The following ABCC3 variants were observed in gnomAD, a reference collection of about 807,000 sequenced individuals.
ABCC3 encodes ATP-binding cassette sub-family C member 3.
A neutral mutation model predicts 165.3 loss-of-function variants in ABCC3; 121 were observed. The ratio of observed to expected loss-of-function variants is 0.73; its 90% CI spans 0.63 to 0.85. The LOEUF (loss-of-function observed/expected upper bound fraction) is 0.85. Ranked by LOEUF, ABCC3 falls within the 40% of genes least tolerant of loss-of-function variation. The pLI, the probability that ABCC3 is intolerant of heterozygous loss-of-function variation, is 0.00. For missense variants in ABCC3, 1,869 were observed against 1,964.1 expected, an observed-to-expected ratio of 0.95 and a Z score of 0.92; for synonymous variants, 733 against 810.1, an observed-to-expected ratio of 0.90 and a Z score of 1.62.
intron 1 of ABCC3, among the ~76,000 whole-genome samples, chr17:50,645,376 A>G: frequency 7.1e-6 from 1 of 141,628 alleles, no homozygotes; most frequent in South Asian, 2.2e-4. Context: ...TCCATCAAAA[A>G]AAAAAAAAAA....
intron 6 of ABCC3, among the ~76,000 whole-genome samples, chr17:50,659,011 G>C (rs138761533): frequency 1.3e-5 from 2 of 152,202 alleles, no homozygotes; most frequent in Non-Finnish European, 2.9e-5. Context: ...TGGGACACCT[G>C]GGGAGGAGGA....
At chr17:50,689,936 C>A (rs1385432731) in intron 30 of ABCC3, among the ~76,000 whole-genome samples, 1 of 152,042 alleles carries the variant, frequency 6.6e-6, no homozygotes, top group Non-Finnish European at 1.5e-5. Flanking sequence ...AGAAATTAAT[C>A]AAATAATCAT....
chr17:50,656,884 G>A (rs559988292), intron 3 of ABCC3, 57 bp downstream of exon 3: 6 of 1,561,336 alleles, frequency 3.8e-6, no homozygotes, highest in Non-Finnish European at 5.2e-6. Flanking sequence ...GTTGTGGACT[G>A]TGATAGGGAA....
chr17:50,647,569 T>A (rs879539753), intron 1 of ABCC3, among the ~76,000 whole-genome samples: 1 of 152,186 alleles, frequency 6.6e-6, no homozygotes, highest in Non-Finnish European at 1.5e-5. Context: ...GACCAAGGTC[T>A]GAACTTGGGA....
intron 1 of ABCC3, chr17:50,635,895 T>C (rs2054175206): frequency 7.0e-6 from 2 of 287,764 alleles, no homozygotes; most frequent in Admixed American, 4.5e-5. Flanking sequence ...AAAAAATAAA[T>C]AAATAAGAAA....
At chr17:50,643,141 GGCC>G (rs1465754836) in intron 1 of ABCC3, among the ~76,000 whole-genome samples, 1 of 152,260 alleles carries the variant, frequency 6.6e-6, no homozygotes, top group Non-Finnish European at 1.5e-5. Flanking sequence ...GCCCCAGAGA[GGCC>G]CCATGTAGAT....
In ABCC3 at chr17:50,667,853, C is replaced by G. The variant is rs201307642; in HGVS notation, c.1636-10C>G. Reference sequence around the variant, plus strand: ...GGACTCTACCCTGACACCACCTCCACGCTGCTCAGGTGACCCTGATCACCC... The same window carrying G: ...GGACTCTACCCTGACACCACCTCCAGGCTGCTCAGGTGACCCTGATCACCC... On this transcript the variant is annotated splice_polypyrimidine_tract_variant and intron_variant, in intron 12 of 30. Transcript: ENST00000285238. 6.2e-7 allele frequency: 1 copy of G among 1,613,944 alleles called. No individual in the cohort carries two copies. The highest frequency in any genetic ancestry group is 1.3e-5 in the African/African-American group (1 of 75,052).
rs541063667 is a variant in ABCC3, at chr17:50,658,507, T to C, written c.674+11T>C. The C allele has an allele frequency of 6.2e-7, 1 of 1,612,174 alleles. No homozygotes were observed. Among genetic ancestry groups the C allele is most frequent in the Admixed American group, 1.7e-5 (1 of 60,010 alleles). ...CTGGTGGTTCACAAAGTGAGTTGGCTCTTCCACCAGCCAGGCCAGAGGGAG... is the reference window on the plus strand; with the variant it reads ...CTGGTGGTTCACAAAGTGAGTTGGCCCTTCCACCAGCCAGGCCAGAGGGAG... On this transcript the variant is annotated intron_variant, in intron 6 of 30. Transcript: ENST00000285238.
intron 25 of ABCC3, 36 bp from the exon 26 acceptor site, chr17:50,679,762 A>T (rs1440711677): frequency 6.3e-7 from 1 of 1,575,818 alleles, no homozygotes; most frequent in Non-Finnish European, 8.7e-7. Context: ...TGGGGAGGGG[A>T]GATCGCCATA....
Position 50,667,863 on chromosome 17 carries a change from G to C in ABCC3, c.1636G>C (p.Val546Leu). The part of the protein sequence containing the change: ...TFTWMCSPFL[V>L]TLITLWVYVY... ...CTGACACCACCTCCACGCTGCTCAGGTGACCCTGATCACCCTCTGGGTGTA... is the reference window on the plus strand; with the variant it reads ...CTGACACCACCTCCACGCTGCTCAGCTGACCCTGATCACCCTCTGGGTGTA... Residue 546 changes from valine to leucine, a missense_variant and splice_region_variant, in exon 13 of 31, where the codon GTG (valine) becomes CTG (leucine). By Grantham distance (32) the Val-to-Leu change is conservative. Transcript: ENST00000285238. 1 of 1,614,002 alleles carries C rather than the reference G, an allele frequency of 6.2e-7. No individual in the cohort carries two copies. Among genetic ancestry groups the C allele is most frequent in the Non-Finnish European group, 8.5e-7 (1 of 1,179,894 alleles).
In ABCC3 at chr17:50,657,086, G is replaced by A. The variant is rs768775552; in HGVS notation, c.389G>A (p.Gly130Asp). The A allele has an allele frequency of 2.5e-6, 4 of 1,614,086 alleles. No individual in the cohort carries two copies. Among genetic ancestry groups the A allele is most frequent in the African/African-American group, 2.7e-5 (2 of 74,952 alleles). Residue 130 changes from glycine to aspartate, a missense_variant, in exon 4 of 31, where the codon GGC becomes GAC. Physicochemically the swap from Gly to Asp is moderately conservative, Grantham distance 94. Transcript: ENST00000285238. Reference sequence around the variant, plus strand: ...CTGATACAGTATGAGCGGCTGCAGGGCGTACAGTCTTCGGGGGTCCTCATT... The same window carrying A: ...CTGATACAGTATGAGCGGCTGCAGGACGTACAGTCTTCGGGGGTCCTCATT... The part of the protein sequence containing the change: ...TLLIQYERLQ[G>D]VQSSGVLIIF...
chr17:50,676,258 C>T lies in ABCC3; in HGVS notation c.3068-20C>T. The T allele has an allele frequency of 6.2e-7, 1 of 1,604,050 alleles. No individual in the cohort carries two copies. ...GCTCACTAGTCCAGGTGAGCCAGCG[C>T]CCTCTGCCTTCTCCAACAGGGTTCT... On this transcript the variant is annotated intron_variant, in intron 22 of 30. Transcript: ENST00000285238.
chr17:50,640,500 T>TTTTG (rs534600432), intron 1 of ABCC3, among the ~76,000 whole-genome samples: 160 of 152,210 alleles, frequency 1.1e-3, no homozygotes, highest in African/African-American at 3.5e-3. Context: ...CACAACCAGT[T>TTTTG]TTTGTTTGTT....
rs540448802 is a variant in ABCC3 at position 50,677,232 on chromosome 17, T to G, written c.3379-512T>G. Reference sequence around the variant, plus strand: ...ACATTGTCAACAGTTTGGGACACATTATCCTTTCCTTCCTTTTATACATAT... The same window carrying G: ...ACATTGTCAACAGTTTGGGACACATGATCCTTTCCTTCCTTTTATACATAT... On this transcript the variant is annotated intron_variant, in intron 23 of 30. Coordinates refer to ENST00000285238, the MANE Select transcript of ABCC3 (RefSeq NM_003786.4). Among the ~76,000 whole-genome samples, 6 of 152,374 alleles carry G rather than the reference T, an allele frequency of 3.9e-5. No homozygotes were observed. In the South Asian group the frequency reaches 1.2e-3, roughly 32 times the overall value.
chr17:50,642,155 C>A (rs572992759), intron 1 of ABCC3, among the ~76,000 whole-genome samples: 37 of 152,280 alleles, frequency 2.4e-4, no homozygotes, highest in African/African-American at 8.7e-4. Flanking sequence ...GGAAGAGAGA[C>A]AGGAGGAAGG....
At chr17:50,677,648 G>A in intron 23 of ABCC3, 96 bp from the exon 24 acceptor site, 1 of 1,243,806 alleles carries the variant, frequency 8.0e-7, no homozygotes. Flanking sequence ...GAGGCTGGCT[G>A]GGAGGACTCA....
At position 50,676,515 on chromosome 17, in the gene ABCC3, T is replaced by C. The variant is rs1172721178; in HGVS notation, c.3305T>C (p.Val1102Ala). 1 of 1,613,680 alleles carries C rather than the reference T, an allele frequency of 6.2e-7. No individual in the cohort carries two copies. The highest frequency in any genetic ancestry group is 1.3e-5 in the African/African-American group (1 of 74,792). ...TTCTTCAACGCCATCTCCACTCTTG[T>C]GGTCATCATGGCCAGCACGCCGCTC... ...NSFFNAISTL[V>A]VIMASTPLFT... The change falls in exon 23 of 31, where the codon GTG becomes GCG. Residue 1102 changes from valine to alanine, a missense_variant. Coordinates refer to ENST00000285238, the MANE Select transcript of ABCC3 (RefSeq NM_003786.4).
Position 50,667,851 on chromosome 17 carries a change from C to T in ABCC3, c.1636-12C>T. On this transcript the variant is annotated splice_polypyrimidine_tract_variant and intron_variant, in intron 12 of 30. Coordinates refer to ENST00000285238, the MANE Select transcript of ABCC3 (RefSeq NM_003786.4). ...TTGGACTCTACCCTGACACCACCTC[C>T]ACGCTGCTCAGGTGACCCTGATCAC... The T allele has an allele frequency of 6.2e-7, 1 of 1,613,912 alleles. No individual in the cohort carries two copies. Among genetic ancestry groups the T allele is most frequent in the Non-Finnish European group, 8.5e-7 (1 of 1,179,878 alleles).
intron 26 of ABCC3, among the ~76,000 whole-genome samples, chr17:50,682,500 T>A (rs1967946692): frequency 6.6e-6 from 1 of 151,070 alleles, no homozygotes; most frequent in African/African-American, 2.4e-5. Context: ...GCCTCTTACC[T>A]CTTGCCTTTG....
Sources: gnomAD v4.1 joint callset for allele counts (sites outside exome capture counted in the v4.1 genomes callset) on GRCh38, gnomAD v4.1.1 for gene constraint, MANE v1.5 for transcripts, NCBI Gene and HGNC (gene_info 2026-07-23, HGNC 2026-07-21) for gene names.